Variants in GBP4 observed in about 807,000 individuals in gnomAD.
GBP4 encodes the protein guanylate binding protein 4.
Under a neutral mutation model 62.2 loss-of-function variants are expected in GBP4, and 69 were observed. That is an observed-to-expected ratio of 1.11 (90% CI 0.91 to 1.36). The LOEUF (loss-of-function observed/expected upper bound fraction) is 1.36. GBP4 is among the 40% of genes most tolerant of loss of function. The probability of loss-of-function intolerance (pLI) is 0.00; values close to 1 mark genes in which losing one functional copy is unlikely to be tolerated. For missense variants in GBP4, 697 were observed against 759.3 expected (o/e 0.92, Z 0.96); for synonymous variants, 278 against 274.6 (o/e 1.01, Z -0.12).
intron 1 of GBP4, among the ~76,000 whole-genome samples, chr1:89,197,640 T>C (rs1648381008): frequency 6.6e-6 from 1 of 152,174 alleles, no homozygotes; most frequent in African/African-American, 2.4e-5. Context: ...AAGGCACTGA[T>C]GGCAGAATAA....
chr1:89,184,730 G>GAA lies in GBP4; in HGVS notation c.*522_*523dup, dbSNP rs1332202024. ...TAGGTTGGGAGGAGGGAGAAGATCA[G>GAA]AAAAAAACCTATTGGGTATTATGAT... On this transcript the variant is annotated 3_prime_UTR_variant, in exon 11 of 11. Transcript: ENST00000355754. 3 of 152,222 alleles carry GAA rather than the reference G, an allele frequency of 2.0e-5. No homozygotes were observed. The highest frequency in any genetic ancestry group is 7.3e-5 in the African/African-American group (3 of 41,378). 9.4% of individuals were successfully genotyped at this position (152,222 alleles called of 1,614,324 possible).
chr1:89,190,370 C>T (rs1368734943), intron 6 of GBP4, 52 bp from the exon 7 acceptor site: 1 of 1,472,988 alleles, frequency 6.8e-7, no homozygotes, highest in Non-Finnish European at 9.1e-7. Flanking sequence ...ATTATTTATA[C>T]AAGTTTTAAG....
rs764303208 is a variant in GBP4, at chr1:89,195,292, C to T, written c.363+5G>A. ...ACCATGAGCGGTGAAGTTTCTCTGC[C>T]TTACCTTTTCTACATCGCCCAGGCC... On this transcript the variant is annotated splice_donor_5th_base_variant and intron_variant, in intron 3 of 10. Transcript: ENST00000355754. The T allele has an allele frequency of 3.1e-6, 5 of 1,613,528 alleles. No individual in the cohort carries two copies. Among genetic ancestry groups the T allele is most frequent in the Admixed American group, 1.7e-5 (1 of 59,968 alleles).
rs746672685 is a variant in GBP4 at position 89,190,354 on chromosome 1, T to G, written c.917-36A>C. ...TATATTTAGGGAAAATTTACAGTTC[T>G]TACTCATTATTTATACAAGTTTTAA... On this transcript the variant is annotated intron_variant, in intron 6 of 10. Transcript: ENST00000355754. 2.6e-6 allele frequency: 4 copies of G among 1,509,910 alleles called. No individual in the cohort carries two copies. In the East Asian group the frequency reaches 9.2e-5, roughly 35 times the overall value. 93.5% of individuals were successfully genotyped at this position (1,509,910 alleles called of 1,614,324 possible).
In GBP4 at chr1:89,183,698, G is replaced by A. The variant is rs998147771; in HGVS notation, c.*1556C>T. ...GTTCAAGACCAGCTTGGGCAACATGGAAAAACACATCTCTACAAACAAATA... is the reference window on the plus strand; with the variant it reads ...GTTCAAGACCAGCTTGGGCAACATGAAAAAACACATCTCTACAAACAAATA... On this transcript the variant is annotated 3_prime_UTR_variant, in exon 11 of 11. Coordinates refer to ENST00000355754, the MANE Select transcript of GBP4 (RefSeq NM_052941.5). 6.6e-6 allele frequency: 1 copy of A among 152,142 alleles called. No homozygotes were observed. The highest frequency in any genetic ancestry group is 2.4e-5 in the African/African-American group (1 of 41,444). 9.4% of individuals were successfully genotyped at this position (152,142 alleles called of 1,614,324 possible).
intron 9 of GBP4, 143 bp downstream of exon 9, chr1:89,186,857 G>T: frequency 1.4e-6 from 1 of 728,760 alleles, no homozygotes; most frequent in Non-Finnish European, 2.3e-6. Flanking sequence ...CTGTACATTT[G>T]GTATCCAGAA....
In GBP4 at chr1:89,187,456, C is replaced by A. The variant is rs892190151; in HGVS notation, c.1411-354G>T. ...TTTGATTTGACATCAAAAGCACAGGCAACAAGTGCAAAAATAAGTGGGACT... is the reference window on the plus strand; with the variant it reads ...TTTGATTTGACATCAAAAGCACAGGAAACAAGTGCAAAAATAAGTGGGACT... On this transcript the variant is annotated intron_variant, in intron 8 of 10. Coordinates refer to ENST00000355754, the MANE Select transcript of GBP4 (RefSeq NM_052941.5). Among the ~76,000 whole-genome samples, 4 of 152,164 alleles carry A rather than the reference C, an allele frequency of 2.6e-5. No homozygotes were observed. In the South Asian group the frequency reaches 6.2e-4, roughly 24 times the overall value.
At chr1:89,196,709 A>G (rs1418775063) in intron 2 of GBP4, among the ~76,000 whole-genome samples, 3 of 152,250 alleles carry the variant, frequency 2.0e-5, no homozygotes, top group African/African-American at 7.2e-5. Context: ...TAAATAGAGG[A>G]TACACAAGAA....
intron 4 of GBP4, 83 bp downstream of exon 4, chr1:89,193,220 T>C: frequency 6.5e-7 from 1 of 1,532,480 alleles, no homozygotes; most frequent in Non-Finnish European, 9.0e-7. Flanking sequence ...CCAGGACAAC[T>C]GAGTCACAGC....
At chr1:89,195,576 A>G (rs1648313869) in intron 2 of GBP4, 152 bp from the exon 3 acceptor site, 3 of 855,618 alleles carry the variant, frequency 3.5e-6, no homozygotes, top group Non-Finnish European at 5.3e-6. Flanking sequence ...TGACCTTTAT[A>G]TGTATTAAGA....
intron 7 of GBP4, among the ~76,000 whole-genome samples, chr1:89,189,048 T>C (rs1180549054): frequency 6.6e-6 from 1 of 152,204 alleles, no homozygotes; most frequent in Non-Finnish European, 1.5e-5. Context: ...ATGGTTCTTT[T>C]AGGTATAGTA....
Position 89,185,356 on chromosome 1 carries a change from G to A in GBP4, c.1821C>T (p.Leu607=), listed in dbSNP as rs35117143. 1.6e-4 allele frequency: 260 copies of A among 1,610,712 alleles called. 17 individuals carry two copies. Among genetic ancestry groups the A allele is most frequent in the East Asian group, 6.0e-4 (27 of 44,804 alleles). Residue 607 remains leucine, a synonymous_variant, in exon 11 of 11, where the codon CTC becomes CTT. Coordinates refer to ENST00000355754, the MANE Select transcript of GBP4 (RefSeq NM_052941.5). The part of the protein sequence containing the change: ...IESTKNEQLR[L]LKILDMASNI... ...TGCTAGCCATGTCAAGGATCTTTAA[G>A]AGCCTTAACTGTTCATTTTTAGTGC...
chr1:89,189,314 G>T (rs553105833), intron 7 of GBP4, among the ~76,000 whole-genome samples: 5 of 152,250 alleles, frequency 3.3e-5, no homozygotes, highest in Middle Eastern at 3.4e-3. Flanking sequence ...CAATCCAGTT[G>T]CATTTTATCA....
chr1:89,190,205 T>C lies in GBP4; in HGVS notation c.1030A>G (p.Arg344Gly). 6.2e-7 allele frequency: 1 copy of C among 1,614,156 alleles called. No homozygotes were observed. Among genetic ancestry groups the C allele is most frequent in the South Asian group, 1.1e-5 (1 of 91,078 alleles). ...TGCTGGCTATAGTGGTCGGCTGCCC[T>C]CTGCACAGCCGCTGGGTTCTCAAGC... ...AQLENPAAVQ[R>G]AADHYSQQMA... The change falls in exon 7 of 11, where the codon AGG (arginine) becomes GGG (glycine). Residue 344 changes from arginine to glycine, a missense_variant. Physicochemically the swap from Arg to Gly is moderately radical, Grantham distance 125. This residue lies in a region of GBP4 where 556 missense variants were observed against 562.7 expected (regional missense o/e 0.99). Coordinates refer to ENST00000355754, the MANE Select transcript of GBP4 (RefSeq NM_052941.5).
chr1:89,190,372 A>G, intron 6 of GBP4, 54 bp from the exon 7 acceptor site: 1 of 1,444,310 alleles, frequency 6.9e-7, no homozygotes, highest in South Asian at 1.5e-5. Flanking sequence ...TATTTATACA[A>G]GTTTTAAGAG....
intron 5 of GBP4, among the ~76,000 whole-genome samples, 153 bp from the exon 6 acceptor site, chr1:89,191,659 T>C (rs559664291): frequency 4.6e-5 from 7 of 152,246 alleles, no homozygotes; most frequent in Admixed American, 3.3e-4. Context: ...GCTAATCCAA[T>C]GAAGGCATGG....
rs1200082186 is a variant in GBP4, at chr1:89,185,284, T to C, written c.1893A>G (p.Val631=). 6.2e-7 allele frequency: 1 copy of C among 1,612,224 alleles called. No individual in the cohort carries two copies. The highest frequency in any genetic ancestry group is 8.5e-7 in the Non-Finnish European group (1 of 1,178,452). Residue 631 remains valine (V), a synonymous_variant, in exon 11 of 11, where the codon GTA becomes GTG. Coordinates refer to ENST00000355754, the MANE Select transcript of GBP4 (RefSeq NM_052941.5). The stretch of plus-strand genomic sequence containing the variant: ...TACGTGAGCCAAGATATTTTGTCCC[T>C]ACTCCAAGTAGCTTGGAAGCCCCAG... ...TLPGASKLLG[V]GTKYLGSRI
rs1355430349 is a variant in GBP4, at chr1:89,185,385, C to T, written c.1792G>A (p.Glu598Lys). 1.3e-6 allele frequency: 2 copies of T among 1,597,392 alleles called. No homozygotes were observed. Among genetic ancestry groups the T allele is most frequent in the African/African-American group, 2.7e-5 (2 of 74,600 alleles). ...KEINQLKEKI[E>K]STKNEQLRLL... ...CTTAACTGTTCATTTTTAGTGCTTT[C>T]AATTTTTTCTTTCAGTTGATTAATC... Residue 598 changes from glutamate to lysine, a missense_variant, in exon 11 of 11, where the codon GAA (glutamate) becomes AAA (lysine). Coordinates refer to ENST00000355754, the MANE Select transcript of GBP4 (RefSeq NM_052941.5).
intron 1 of GBP4, among the ~76,000 whole-genome samples, chr1:89,197,955 C>G (rs894377468): frequency 3.3e-5 from 5 of 151,766 alleles, no homozygotes; most frequent in African/African-American, 9.7e-5. Context: ...GGCTAGTGCT[C>G]AAAATTCTCT....
Sources: allele counts gnomAD v4.1 joint callset (sites outside exome capture counted in the v4.1 genomes callset), GRCh38; gene constraint gnomAD v4.1.1; regional missense constraint gnomAD v4.1.1; transcripts MANE v1.5; gene names NCBI Gene and HGNC (gene_info 2026-07-23, HGNC 2026-07-21).